Variants in SHANK2 observed in about 807,000 individuals in gnomAD.
The protein encoded by SHANK2 is SH3 and multiple ankyrin repeat domains 2.
In SHANK2, 43 loss-of-function variants were observed where a neutral mutation model predicts 133.7. The ratio of observed to expected loss-of-function variants is 0.32; its 90% confidence interval spans 0.25 to 0.41. The LOEUF is 0.41. Among genes scored for constraint, SHANK2 ranks in the 10% least tolerant of loss-of-function variants. The pLI is 1.00. For missense variants in SHANK2, 1,994 were observed against 2,235.8 expected (o/e 0.89, Z 2.18); for synonymous variants, 1,017 against 952.8 (o/e 1.07, Z -1.24).
chr11:70,678,988 C>T (rs988578024), intron 15 of SHANK2, among the ~76,000 whole-genome samples: 1 of 152,198 alleles, frequency 6.6e-6, no homozygotes, highest in Non-Finnish European at 1.5e-5. Flanking sequence ...TCTCCTTAGC[C>T]AGGGGATCTC....
intron 1 of SHANK2, among the ~76,000 whole-genome samples, chr11:71,244,323 A>G (rs1014446855): frequency 1.3e-5 from 2 of 152,220 alleles, no homozygotes; most frequent in Non-Finnish European, 2.9e-5. Context: ...ACTAAACTCC[A>G]CAGACATATC....
At chr11:71,215,968 T>C (rs572888698) in intron 2 of SHANK2, among the ~76,000 whole-genome samples, 5 of 151,632 alleles carry the variant, frequency 3.3e-5, no homozygotes, top group South Asian at 2.1e-4. Flanking sequence ...AGAAGAGAGA[T>C]GGGAACAGAA....
intron 14 of SHANK2, among the ~76,000 whole-genome samples, chr11:70,797,373 T>A (rs1565322773): frequency 6.6e-6 from 1 of 152,138 alleles, no homozygotes; most frequent in Non-Finnish European, 1.5e-5. Flanking sequence ...TACCCCACAA[T>A]ACCGTCTGGT....
At chr11:71,199,557 G>A (rs994540915) in intron 2 of SHANK2, among the ~76,000 whole-genome samples, 1 of 152,222 alleles carries the variant, frequency 6.6e-6, no homozygotes, top group Non-Finnish European at 1.5e-5. Flanking sequence ...CAAAGCCTTC[G>A]CTAAAACGTG....
chr11:70,718,440 G>A (rs1945998786), intron 14 of SHANK2, among the ~76,000 whole-genome samples: 2 of 151,078 alleles, frequency 1.3e-5, no homozygotes, highest in Admixed American at 6.6e-5. Context: ...GGTCCTTAGC[G>A]GGGCTTGGGG....
chr11:70,640,760 T>C (rs2134152666), intron 17 of SHANK2, among the ~76,000 whole-genome samples: 1 of 152,356 alleles, frequency 6.6e-6, no homozygotes, highest in South Asian at 2.1e-4. Flanking sequence ...GAATCCTCTG[T>C]AAGTTGCTCC....
intron 10 of SHANK2, among the ~76,000 whole-genome samples, chr11:70,908,838 A>T (rs2135715667): frequency 6.6e-6 from 1 of 152,272 alleles, no homozygotes; most frequent in East Asian, 1.9e-4. Context: ...GACCCAACTG[A>T]TCTACCTCCA....
intron 9 of SHANK2, among the ~76,000 whole-genome samples, chr11:71,056,790 G>A (rs36143106): frequency 0.23 from 34,138 of 147,136 alleles, 4,620 homozygotes; most frequent in East Asian, 0.33. Context: ...AGAAAGTCTT[G>A]CACATGTATA....
intron 14 of SHANK2, among the ~76,000 whole-genome samples, chr11:70,716,499 G>A (rs964179510): frequency 3.9e-5 from 6 of 152,172 alleles, no homozygotes; most frequent in Non-Finnish European, 8.8e-5. Flanking sequence ...TTTATTGCTC[G>A]GGTTTCGGTG....
intron 9 of SHANK2, among the ~76,000 whole-genome samples, chr11:71,067,932 C>T (rs1951088560): frequency 6.6e-6 from 1 of 151,816 alleles, no homozygotes. Context: ...AGCATCACCA[C>T]CATCACCATC....
chr11:71,209,443 G>A (rs1434751350), intron 2 of SHANK2, among the ~76,000 whole-genome samples: 7 of 152,196 alleles, frequency 4.6e-5, no homozygotes, highest in African/African-American at 1.4e-4. Context: ...GTGTGGAGGG[G>A]GTCAGGCTTC....
At chr11:71,093,177 C>G (rs1273555509) in intron 7 of SHANK2, among the ~76,000 whole-genome samples, 1 of 152,106 alleles carries the variant, frequency 6.6e-6, no homozygotes, top group Admixed American at 6.5e-5. Flanking sequence ...TCAGACCCTT[C>G]CTCGGCCTGG....
chr11:70,489,117 G>C, intron 24 of SHANK2: 1 of 579,548 alleles, frequency 1.7e-6, no homozygotes, highest in South Asian at 2.1e-5. Context: ...ACTTCCATTC[G>C]ATAAGGGTAT....
At chr11:70,789,834 C>T (rs1429497793) in intron 14 of SHANK2, among the ~76,000 whole-genome samples, 1 of 152,332 alleles carries the variant, frequency 6.6e-6, no homozygotes, top group East Asian at 1.9e-4. Context: ...ACAGCGGTGA[C>T]TCATCACACC....
intron 2 of SHANK2, among the ~76,000 whole-genome samples, chr11:71,179,003 AAAAT>A (rs1432479109): frequency 3.3e-5 from 5 of 152,236 alleles, no homozygotes; most frequent in African/African-American, 4.8e-5. Flanking sequence ...ATGAATGAAT[AAAAT>A]AAATAAAAGA....
intron 11 of SHANK2, chr11:70,826,812 C>T (rs1012406440): frequency 8.4e-6 from 2 of 239,326 alleles, no homozygotes; most frequent in Non-Finnish European, 1.7e-5. Context: ...GTGCTCAGGG[C>T]ATTGAGGAAG....
At chr11:71,181,944 T>C (rs1201325723) in intron 2 of SHANK2, among the ~76,000 whole-genome samples, 2 of 152,050 alleles carry the variant, frequency 1.3e-5, no homozygotes, top group Admixed American at 1.3e-4. Context: ...TGAAGCATCA[T>C]GGGTGTGACC....
intron 11 of SHANK2, among the ~76,000 whole-genome samples, chr11:70,879,641 C>G (rs1473512595): frequency 6.6e-6 from 1 of 152,260 alleles, no homozygotes; most frequent in Non-Finnish European, 1.5e-5. Flanking sequence ...ATCTCTGTGA[C>G]TATTTCCTGA....
chr11:70,744,609 G>T (rs1946600505), intron 14 of SHANK2, among the ~76,000 whole-genome samples: 2 of 152,200 alleles, frequency 1.3e-5, no homozygotes, highest in Admixed American at 6.5e-5. Context: ...GCATCTCTCT[G>T]TGCTTCCACT....
Sources: allele counts gnomAD v4.1 joint callset (sites outside exome capture counted in the v4.1 genomes callset), GRCh38; gene constraint gnomAD v4.1.1; transcripts MANE v1.5; gene names NCBI Gene and HGNC (gene_info 2026-07-23, HGNC 2026-07-21).